IQCH: variants seen among roughly 807,000 people sequenced by gnomAD.
The protein encoded by IQCH is IQ domain-containing protein H.
IQCH carries 98 observed loss-of-function variants against 117.0 expected under a neutral mutation model. That is an observed-to-expected ratio of 0.84 (90% CI 0.71 to 0.99). IQCH has a LOEUF of 0.99. Among genes scored for constraint, IQCH ranks in the 50% least tolerant of loss-of-function variants. The probability of loss-of-function intolerance (pLI) is 0.00; values close to 1 mark genes in which losing one functional copy is unlikely to be tolerated. For synonymous variants in IQCH, 412 were observed against 448.2 expected, an observed-to-expected ratio of 0.92 and a Z score of 1.02; for missense variants, 1,102 against 1,243.8, an observed-to-expected ratio of 0.89 and a Z score of 1.72.
At chr15:67,298,112 C>T (rs1322780040) in intron 4 of IQCH, among the ~76,000 whole-genome samples, 1 of 152,014 alleles carries the variant, frequency 6.6e-6, no homozygotes, top group East Asian at 1.9e-4. Context: ...AGTTCCAGAC[C>T]AGCCTGGCTA....
chr15:67,269,901 T>A (rs1320779598), intron 3 of IQCH, among the ~76,000 whole-genome samples: 1 of 152,208 alleles, frequency 6.6e-6, no homozygotes, highest in Non-Finnish European at 1.5e-5. Flanking sequence ...GGCACTTAGG[T>A]TGATTCCAAG....
chr15:67,452,177 C>T (rs1183309589), intron 16 of IQCH, among the ~76,000 whole-genome samples: 1 of 152,126 alleles, frequency 6.6e-6, no homozygotes, highest in Non-Finnish European at 1.5e-5. Context: ...ACTCTTTATC[C>T]AATTTGCCAG....
chr15:67,323,368 G>T (rs1450620065), intron 4 of IQCH, among the ~76,000 whole-genome samples: 5 of 148,622 alleles, frequency 3.4e-5, no homozygotes, highest in Non-Finnish European at 7.4e-5. Flanking sequence ...CCAGCCTCCC[G>T]AGTAGCTGGG....
chr15:67,348,403 C>T (rs1230535962), intron 6 of IQCH, among the ~76,000 whole-genome samples: 1 of 151,216 alleles, frequency 6.6e-6, no homozygotes, highest in African/African-American at 2.4e-5. Flanking sequence ...GCTACTAGAA[C>T]TAACAAGGAA....
intron 10 of IQCH, among the ~76,000 whole-genome samples, chr15:67,377,115 CAA>C (rs5813442): frequency 2.0e-4 from 16 of 81,994 alleles, no homozygotes; most frequent in Admixed American, 3.5e-4. Flanking sequence ...GACTCCATCT[CAA>C]AAAAAAAAAA....
At position 67,432,555 on chromosome 15, in the gene IQCH, A is replaced by G. The variant is rs1420584079; in HGVS notation, c.2505+10978A>G. On this transcript the variant is annotated intron_variant, in intron 16 of 20. Transcript: ENST00000335894. The surrounding 1 kb of genome is among the most constrained non-coding windows in gnomAD (Gnocchi z 5.0). Reference sequence around the variant, plus strand: ...ATGTTCTGAGAGGCTAAGCAGATATAAGGTGATGTTCTTATTAAATCAAAT... The same window carrying G: ...ATGTTCTGAGAGGCTAAGCAGATATGAGGTGATGTTCTTATTAAATCAAAT... Among the ~76,000 whole-genome samples the G allele has an allele frequency of 6.6e-6, 1 of 152,152 alleles. No individual in the cohort carries two copies. Among genetic ancestry groups the G allele is most frequent in the Admixed American group, 6.5e-5 (1 of 15,274 alleles).
rs1389329503 is a variant in IQCH at position 67,390,855 on chromosome 15, G to A, written c.1632+1849G>A. On this transcript the variant is annotated intron_variant, in intron 12 of 20. Coordinates refer to ENST00000335894, the MANE Select transcript of IQCH (RefSeq NM_001031715.3). The surrounding 1 kb of genome is among the most constrained non-coding windows in gnomAD (Gnocchi z 5.0). ...AAGATAGCTCTTTTTACCTATCTCC[G>A]TTTATGGCTGAGGAAACCAAGACTC... is the stretch of plus-strand genomic sequence containing the variant. 1.3e-5 allele frequency among the ~76,000 whole-genome samples: 2 copies of A among 152,158 alleles called. No homozygotes were observed. The highest frequency in any genetic ancestry group is 2.1e-4 in the South Asian group (1 of 4,824).
intron 4 of IQCH, chr15:67,307,201 A>AAT (rs1223816494): frequency 4.1e-5 from 36 of 868,192 alleles, no homozygotes; most frequent in East Asian, 2.1e-4. Context: ...TTTCCAAATA[A>AAT]ATATATATAT....
At position 67,463,001 on chromosome 15, in the gene IQCH, AAT is replaced by A. The variant is rs1166054661; in HGVS notation, c.2506-2123_2506-2122del. 1.3e-5 allele frequency among the ~76,000 whole-genome samples: 2 copies of A among 152,244 alleles called. No homozygotes were observed. The highest frequency in any genetic ancestry group is 2.9e-5 in the Non-Finnish European group (2 of 68,038). ...TATTATAAAAGGGCATTACTGTGCG[AAT>A]ATGACTCCTGAAATTAGCTTTAGTT... is the stretch of plus-strand genomic sequence containing the variant. On this transcript the variant is annotated intron_variant, in intron 16 of 20. Coordinates refer to ENST00000335894, the MANE Select transcript of IQCH (RefSeq NM_001031715.3). This position sits in a 1 kb window ranked among gnomAD's most constrained non-coding sequence, Gnocchi z 4.0.
At chr15:67,380,285 C>T (rs1015124574) in intron 10 of IQCH, among the ~76,000 whole-genome samples, 2 of 152,140 alleles carry the variant, frequency 1.3e-5, no homozygotes, top group Non-Finnish European at 2.9e-5. Context: ...CCATTTGGCC[C>T]ATTTGGTTTG....
At chr15:67,335,460 C>T (rs1222706799) in intron 4 of IQCH, among the ~76,000 whole-genome samples, 1 of 152,172 alleles carries the variant, frequency 6.6e-6, no homozygotes, top group Non-Finnish European at 1.5e-5. Flanking sequence ...GTCTCACTGA[C>T]CTTTATATCA....
intron 4 of IQCH, among the ~76,000 whole-genome samples, chr15:67,287,307 T>A (rs1966599446): frequency 6.6e-6 from 1 of 152,222 alleles, no homozygotes; most frequent in South Asian, 2.1e-4. Flanking sequence ...AAGTATTTCC[T>A]CTTCTTCTGT....
chr15:67,289,304 G>C (rs1596109052), intron 4 of IQCH, among the ~76,000 whole-genome samples: 4 of 152,246 alleles, frequency 2.6e-5, no homozygotes, highest in African/African-American at 9.6e-5. Context: ...ATTGGAGTAG[G>C]AGGTAGACTC....
intron 4 of IQCH, among the ~76,000 whole-genome samples, chr15:67,310,436 T>A (rs1048025644): frequency 6.6e-6 from 1 of 151,502 alleles, no homozygotes; most frequent in Non-Finnish European, 1.5e-5. Context: ...ATCATACAAA[T>A]AAATAAGCAA....
chr15:67,436,600 T>C lies in IQCH; in HGVS notation c.2505+15023T>C, dbSNP rs140209437. Among the ~76,000 whole-genome samples the C allele has an allele frequency of 1.8e-3, 278 of 152,310 alleles. 1 individual carries two copies. Among genetic ancestry groups the C allele is most frequent in the Middle Eastern group, 6.8e-3 (2 of 294 alleles). On this transcript the variant is annotated intron_variant, in intron 16 of 20. Transcript: ENST00000335894. The surrounding 1 kb of genome is among the most constrained non-coding windows in gnomAD (Gnocchi z 5.1). ...CTCAGGGGAGGGCACAAATCCGGTGTGCAGACTCCATAGGCAGGGGAAGAA... is the reference window on the plus strand; with the variant it reads ...CTCAGGGGAGGGCACAAATCCGGTGCGCAGACTCCATAGGCAGGGGAAGAA...
chr15:67,498,663 G>C (rs1035400733), intron 20 of IQCH, among the ~76,000 whole-genome samples: 1 of 151,442 alleles, frequency 6.6e-6, no homozygotes, highest in South Asian at 2.1e-4. Flanking sequence ...AAATGTAAGA[G>C]CTAATACTGT....
At chr15:67,383,500 A>G (rs1217436178) in intron 10 of IQCH, among the ~76,000 whole-genome samples, 4 of 152,244 alleles carry the variant, frequency 2.6e-5, no homozygotes, top group East Asian at 1.9e-4. Flanking sequence ...TTGAAAGGCA[A>G]TGCAGTCATG....
chr15:67,403,257 A>C lies in IQCH; in HGVS notation c.2097+2952A>C, dbSNP rs572673429. ...AGAGTGAGACACTGTCTCAAAAAAA[A>C]AAAAAAGTCATCTCTTTTTTCACCT... On this transcript the variant is annotated intron_variant, in intron 14 of 20. Transcript: ENST00000335894. The surrounding 1 kb of genome is among the most constrained non-coding windows in gnomAD (Gnocchi z 4.8). Among the ~76,000 whole-genome samples, 8 of 152,244 alleles carry C rather than the reference A, an allele frequency of 5.3e-5. No individual in the cohort carries two copies. Among genetic ancestry groups the C allele is most frequent in the African/African-American group, 1.9e-4 (8 of 41,556 alleles).
In IQCH at chr15:67,368,516, A is replaced by G. The variant is rs569123444; in HGVS notation, c.754-3595A>G. On this transcript the variant is annotated intron_variant, in intron 8 of 20. Coordinates refer to ENST00000335894, the MANE Select transcript of IQCH (RefSeq NM_001031715.3). ...ACATTCCATTCATATTCTAAATGCAAACTCTCATTTAGAGCCATAAGGTGC... is the reference window on the plus strand; with the variant it reads ...ACATTCCATTCATATTCTAAATGCAGACTCTCATTTAGAGCCATAAGGTGC... Among the ~76,000 whole-genome samples the G allele has an allele frequency of 1.7e-3, 266 of 152,322 alleles. 2 individuals carry two copies. The highest frequency in any genetic ancestry group is 5.9e-3 in the African/African-American group (244 of 41,580).
Sources: gnomAD v4.1 joint callset for allele counts (sites outside exome capture counted in the v4.1 genomes callset) on GRCh38, gnomAD v4.1.1 for gene constraint, Gnocchi (gnomAD v3.1) non-coding constraint, MANE v1.5 for transcripts, NCBI Gene and HGNC (gene_info 2026-07-23, HGNC 2026-07-21) for gene names.